The following CCDC144A variants were observed in gnomAD, a reference collection of about 807,000 sequenced individuals.
The protein encoded by CCDC144A is coiled-coil domain-containing protein 144A.
In CCDC144A, 41 loss-of-function variants were observed where a neutral mutation model predicts 143.8. The ratio of observed to expected loss-of-function variants is 0.29; its 90% confidence interval spans 0.22 to 0.37. The LOEUF (loss-of-function observed/expected upper bound fraction) is 0.37, where lower values mean the gene tolerates loss of function less well. Among genes scored for constraint, CCDC144A ranks in the 10% least tolerant of loss-of-function variants. The pLI is 1.00. For missense variants in CCDC144A, 637 were observed against 1,488.8 expected, an observed-to-expected ratio of 0.43 and a Z score of 9.41; for synonymous variants, 242 against 517.9, an observed-to-expected ratio of 0.47 and a Z score of 7.23.
chr17:16,770,519 G>A (rs1915786527), intron 15 of CCDC144A, among the ~76,000 whole-genome samples: 1 of 152,014 alleles, frequency 6.6e-6, no homozygotes, highest in African/African-American at 2.4e-5. Context: ...ATAACTCCAG[G>A]CTCAGTGAAA....
chr17:16,713,520 G>T (rs1388233839), intron 6 of CCDC144A, among the ~76,000 whole-genome samples: 1 of 151,974 alleles, frequency 6.6e-6, no homozygotes, highest in African/African-American at 2.4e-5. Flanking sequence ...CTATTACTTT[G>T]TATATTTGAT....
the CCDC144A span, among the ~76,000 whole-genome samples, chr17:16,676,635 C>G: frequency 6.6e-6 from 1 of 151,806 alleles, no homozygotes. Flanking sequence ...CCTTTCCTTT[C>G]TCTTCTTACC....
intron 2 of CCDC144A, among the ~76,000 whole-genome samples, chr17:16,699,299 C>G (rs1186226112): frequency 6.7e-6 from 1 of 148,828 alleles, no homozygotes; most frequent in Non-Finnish European, 1.5e-5. Flanking sequence ...TAAGATGTCT[C>G]TTCTCCCGGC....
upstream of CCDC144A, among the ~76,000 whole-genome samples, chr17:16,688,299 G>A (rs1910851816): frequency 1.3e-5 from 2 of 151,622 alleles, no homozygotes; most frequent in African/African-American, 2.4e-5. Context: ...TCTTGCTCAG[G>A]CCACAGGCTT....
chr17:16,767,837 A>G (rs1052150906), intron 15 of CCDC144A, among the ~76,000 whole-genome samples: 29 of 152,232 alleles, frequency 1.9e-4, no homozygotes, highest in Non-Finnish European at 1.2e-4. Context: ...CATTTATTGC[A>G]TCTCTCACCC....
intron 6 of CCDC144A, among the ~76,000 whole-genome samples, chr17:16,713,567 A>C (rs1912570600): frequency 6.6e-6 from 1 of 152,212 alleles, no homozygotes; most frequent in Non-Finnish European, 1.5e-5. Context: ...GATTTTTATC[A>C]AGCAAGAAAT....
At chr17:16,745,666 C>G in intron 12 of CCDC144A, 1 of 1,608,064 alleles carries the variant, frequency 6.2e-7, no homozygotes, top group Non-Finnish European at 8.5e-7. Context: ...GGACCAGTCC[C>G]CGAACCTTCT....
At chr17:16,710,754 T>G (rs1270328744) in intron 5 of CCDC144A, among the ~76,000 whole-genome samples, 10 of 152,194 alleles carry the variant, frequency 6.6e-5, no homozygotes, top group Non-Finnish European at 1.5e-4. Context: ...CACCCTCCGC[T>G]AAGGCATTAA....
At chr17:16,726,174 C>G (rs2621580) in intron 8 of CCDC144A, among the ~76,000 whole-genome samples, 6 of 151,210 alleles carry the variant, frequency 4.0e-5, no homozygotes, top group South Asian at 2.1e-4. Context: ...GTCAGGAGAT[C>G]GAGACCATCC....
chr17:16,683,496 T>C, the CCDC144A span: 14 of 1,479,750 alleles, frequency 9.5e-6, no homozygotes, highest in Non-Finnish European at 1.3e-5. Context: ...CTGCCGCCGC[T>C]CTCGCGGGTT....
At chr17:16,677,791 A>T in the CCDC144A span, among the ~76,000 whole-genome samples, 1 of 151,682 alleles carries the variant, frequency 6.6e-6, no homozygotes, top group Non-Finnish European at 1.5e-5. Flanking sequence ...TGGGTATCAG[A>T]GTGAAACTCT....
chr17:16,710,829 A>G (rs990927805), intron 5 of CCDC144A, among the ~76,000 whole-genome samples: 20 of 152,256 alleles, frequency 1.3e-4, no homozygotes, highest in South Asian at 6.2e-4. Context: ...CTGATTCAGT[A>G]TTATGGAATT....
chr17:16,759,433 T>C (rs1038521075), intron 12 of CCDC144A, among the ~76,000 whole-genome samples: 1 of 152,158 alleles, frequency 6.6e-6, no homozygotes, highest in African/African-American at 2.4e-5. Flanking sequence ...CTGTCTATAT[T>C]TGGGAATCTG....
chr17:16,768,986 G>A (rs1191355579), intron 15 of CCDC144A, among the ~76,000 whole-genome samples: 8 of 152,194 alleles, frequency 5.3e-5, no homozygotes, highest in Non-Finnish European at 1.0e-4. Flanking sequence ...ACAGGAGTCA[G>A]ATAGATGGAC....
rs569348784 is a variant in CCDC144A, at chr17:16,776,904, T to C, written c.*3271T>C. 7 of 150,694 alleles carry C rather than the reference T, an allele frequency of 4.6e-5. No homozygotes were observed. In the East Asian group the frequency reaches 1.4e-3, roughly 30 times the overall value. The allele number at this position is 150,694 out of a possible 1,614,324, so 9.3% of individuals were successfully genotyped here. ...TGGCCTAAATGCTCCACTTAAAAGA[T>C]ATAGAATGGCAGAATGGGTAAGAAT... On this transcript the variant is annotated 3_prime_UTR_variant, in exon 17 of 17. Coordinates refer to ENST00000399273, the MANE Select transcript of CCDC144A (RefSeq NM_001382000.1).
chr17:16,684,254 C>G, the CCDC144A span: 1 of 847,800 alleles, frequency 1.2e-6, no homozygotes, highest in African/African-American at 1.7e-5. Flanking sequence ...TGTTCATGTC[C>G]CATGGCTATT....
chr17:16,689,087 G>T (rs1276991973), upstream of CCDC144A, among the ~76,000 whole-genome samples: 1 of 152,126 alleles, frequency 6.6e-6, no homozygotes, highest in African/African-American at 2.4e-5. Flanking sequence ...TTGTCCTCAA[G>T]AATTAGTATT....
intron 2 of CCDC144A, among the ~76,000 whole-genome samples, chr17:16,696,232 C>T (rs959308915): frequency 6.6e-6 from 1 of 151,848 alleles, no homozygotes; most frequent in Non-Finnish European, 1.5e-5. Context: ...ACAGGCTGGT[C>T]TCAAACTCCT....
upstream of CCDC144A, chr17:16,689,958 G>A (rs1910944573): frequency 6.5e-6 from 1 of 154,494 alleles, no homozygotes; most frequent in Non-Finnish European, 1.4e-5. Context: ...GCTGGGCACC[G>A]CCACCCCGAA....
Sources: allele counts gnomAD v4.1 joint callset (sites outside exome capture counted in the v4.1 genomes callset), GRCh38; gene constraint gnomAD v4.1.1; transcripts MANE v1.5; gene names NCBI Gene and HGNC (gene_info 2026-07-23, HGNC 2026-07-21).